The following TRAPPC9 variants were observed in gnomAD, a reference collection of about 807,000 sequenced individuals.
The protein encoded by TRAPPC9 is trafficking protein particle complex subunit 9, also known as IKK2 binding protein.
A neutral mutation model predicts 124.0 loss-of-function variants in TRAPPC9; 83 were observed. The ratio of observed to expected loss-of-function variants is 0.67; its 90% CI spans 0.56 to 0.80. The LOEUF is 0.80. TRAPPC9 is among the 30% of genes least tolerant of loss of function. The pLI, the probability that TRAPPC9 is intolerant of heterozygous loss-of-function variation, is 0.00. For missense variants in TRAPPC9, 1,302 were observed against 1,508.3 expected (o/e 0.86, Z 2.27); for synonymous variants, 638 against 617.5 (o/e 1.03, Z -0.49).
intron 13 of TRAPPC9, among the ~76,000 whole-genome samples, chr8:140,284,252 C>A (rs971130884): frequency 6.6e-6 from 1 of 152,208 alleles, no homozygotes; most frequent in African/African-American, 2.4e-5. Flanking sequence ...ACAAGGCTGG[C>A]TGGGCCCAAA....
intron 21 of TRAPPC9, among the ~76,000 whole-genome samples, chr8:139,830,361 T>C (rs55750234): frequency 0.12 from 17,391 of 148,044 alleles, 1,159 homozygotes; most frequent in African/African-American, 0.14. Flanking sequence ...TACACATGCA[T>C]ACACGCTACA....
chr8:139,753,211 A>ACCAT (rs1819477614), intron 21 of TRAPPC9, among the ~76,000 whole-genome samples: 2 of 136,992 alleles, frequency 1.5e-5, no homozygotes, highest in Non-Finnish European at 3.1e-5. Flanking sequence ...TCACCCATCT[A>ACCAT]CCATCCATCC....
At chr8:140,145,140 T>C (rs1480630764) in intron 17 of TRAPPC9, among the ~76,000 whole-genome samples, 2 of 152,136 alleles carry the variant, frequency 1.3e-5, no homozygotes, top group Non-Finnish European at 2.9e-5. Context: ...CCTCCCAAAG[T>C]GCTGGGATTA....
At chr8:139,905,835 CT>C (rs995938809) in intron 20 of TRAPPC9, among the ~76,000 whole-genome samples, 10 of 152,168 alleles carry the variant, frequency 6.6e-5, no homozygotes, top group Non-Finnish European at 1.3e-4. Context: ...TGGCTCATGC[CT>C]GTAATACCAA....
chr8:140,122,504 C>T (rs1489517573), intron 17 of TRAPPC9, among the ~76,000 whole-genome samples: 25 of 152,196 alleles, frequency 1.6e-4, no homozygotes, highest in Admixed American at 1.5e-3. Flanking sequence ...CAGTTCAGTG[C>T]CTATATCTGC....
intron 6 of TRAPPC9, among the ~76,000 whole-genome samples, chr8:140,404,574 A>T (rs1204100814): frequency 6.6e-6 from 1 of 152,212 alleles, no homozygotes; most frequent in Non-Finnish European, 1.5e-5. Context: ...TCCGGAGGCG[A>T]GAGTACACCT....
chr8:140,134,643 T>C (rs2061270084), intron 17 of TRAPPC9, among the ~76,000 whole-genome samples: 1 of 152,180 alleles, frequency 6.6e-6, no homozygotes, highest in Non-Finnish European at 1.5e-5. Flanking sequence ...GAGTTCCACA[T>C]GCAAAGGAAT....
chr8:140,205,866 C>T (rs1300349371), intron 17 of TRAPPC9, among the ~76,000 whole-genome samples: 4 of 152,224 alleles, frequency 2.6e-5, no homozygotes, highest in Non-Finnish European at 5.9e-5. Context: ...GATTCCCACA[C>T]AGTATTACTG....
At chr8:139,819,153 C>T (rs1348618541) in intron 21 of TRAPPC9, among the ~76,000 whole-genome samples, 3 of 152,154 alleles carry the variant, frequency 2.0e-5, no homozygotes, top group Non-Finnish European at 2.9e-5. Flanking sequence ...GAAGCACAAA[C>T]CCTATTATGA....
intron 7 of TRAPPC9, among the ~76,000 whole-genome samples, chr8:140,382,280 TGGACAGTGGGTGCA>T (rs911124843): frequency 1.3e-5 from 2 of 152,162 alleles, no homozygotes; most frequent in Non-Finnish European, 2.9e-5. Flanking sequence ...TGGGGCTTGT[TGGACAGTGGGTGCA>T]GGACAGTGGG....
chr8:140,438,621 T>G (rs2070900228), intron 3 of TRAPPC9, among the ~76,000 whole-genome samples: 1 of 152,210 alleles, frequency 6.6e-6, no homozygotes, highest in Admixed American at 6.5e-5. Context: ...CAGCACAGGC[T>G]GGCTGCTTTT....
At chr8:140,230,696 C>T (rs2063569911) in intron 16 of TRAPPC9, among the ~76,000 whole-genome samples, 1 of 152,074 alleles carries the variant, frequency 6.6e-6, no homozygotes, top group Non-Finnish European at 1.5e-5. Context: ...ACTGCTTGAA[C>T]CTGAGAGGTG....
In TRAPPC9 at chr8:140,284,407, T is replaced by C. The variant is rs566542201; in HGVS notation, c.1982-386A>G. The stretch of plus-strand genomic sequence containing the variant: ...ATTCTTTCCCAGGACATAATGTGAC[T>C]TAATGAGTATGTGAAAAATGCTTCA... On this transcript the variant is annotated intron_variant, in intron 13 of 22. Transcript: ENST00000438773. Among the ~76,000 whole-genome samples, 4 of 152,370 alleles carry C rather than the reference T, an allele frequency of 2.6e-5. No individual in the cohort carries two copies. In the East Asian group the frequency reaches 7.7e-4, roughly 29 times the overall value.
At chr8:140,401,607 A>T (rs1174262510) in intron 6 of TRAPPC9, among the ~76,000 whole-genome samples, 1 of 151,610 alleles carries the variant, frequency 6.6e-6, no homozygotes, top group Non-Finnish European at 1.5e-5. Flanking sequence ...TTACAAAGAG[A>T]TTTAAAATGA....
At chr8:140,084,093 T>C (rs1017241474) in intron 17 of TRAPPC9, among the ~76,000 whole-genome samples, 1 of 152,170 alleles carries the variant, frequency 6.6e-6, no homozygotes, top group Non-Finnish European at 1.5e-5. Context: ...GAATAGTATG[T>C]ATCATGGAGT....
At chr8:140,020,858 T>C (rs1446128718) in intron 18 of TRAPPC9, among the ~76,000 whole-genome samples, 1 of 152,258 alleles carries the variant, frequency 6.6e-6, no homozygotes, top group Non-Finnish European at 1.5e-5. Flanking sequence ...TATGTACTTT[T>C]GATGACTTGA....
At chr8:140,286,074 G>C (rs2065475449) in intron 13 of TRAPPC9, among the ~76,000 whole-genome samples, 1 of 152,240 alleles carries the variant, frequency 6.6e-6, no homozygotes, top group South Asian at 2.1e-4. Flanking sequence ...AGGGGCCTAG[G>C]CCAGCGAGCC....
At chr8:140,053,951 G>GA (rs1842151235) in intron 17 of TRAPPC9, among the ~76,000 whole-genome samples, 1 of 152,204 alleles carries the variant, frequency 6.6e-6, no homozygotes, top group Non-Finnish European at 1.5e-5. Flanking sequence ...ACTGCATAAA[G>GA]AAAGTGTGGT....
chr8:140,399,821 G>A (rs2069207237), intron 6 of TRAPPC9, among the ~76,000 whole-genome samples: 1 of 152,174 alleles, frequency 6.6e-6, no homozygotes, highest in East Asian at 1.9e-4. Flanking sequence ...GATTTGAGGG[G>A]CCAGGGGTGG....
Sources: allele counts gnomAD v4.1 joint callset (sites outside exome capture counted in the v4.1 genomes callset), GRCh38; gene constraint gnomAD v4.1.1; transcripts MANE v1.5; gene names NCBI Gene and HGNC (gene_info 2026-07-23, HGNC 2026-07-21).